PPID: variants seen among roughly 807,000 people sequenced by gnomAD.
The protein encoded by PPID is peptidylprolyl isomerase D.
A neutral mutation model predicts 48.1 loss-of-function variants in PPID; 47 were observed. The ratio of observed to expected loss-of-function variants is 0.98; its 90% CI spans 0.77 to 1.25. The LOEUF is 1.25. Ranked by LOEUF, PPID falls within the 50% of genes most tolerant of loss-of-function variation. PPID has a pLI of 0.00. For synonymous variants in PPID, 163 were observed against 148.8 expected, an observed-to-expected ratio of 1.10 and a Z score of -0.69; for missense variants, 429 against 443.5, an observed-to-expected ratio of 0.97 and a Z score of 0.29.
At chr4:158,723,058 T>C in intron 1 of PPID, 146 bp downstream of exon 1, 1 of 769,264 alleles carries the variant, frequency 1.3e-6, no homozygotes, top group Non-Finnish European at 2.2e-6. Flanking sequence ...TCTCCGGGCC[T>C]GCTCCGGCGG....
chr4:158,716,006 C>G lies in PPID; in HGVS notation c.523-322G>C, dbSNP rs185538589. On this transcript the variant is annotated intron_variant, in intron 4 of 9. Transcript: ENST00000307720. ...CATACACTGAGTGACAGCCTACCTC[C>G]TACAAGTAACTGAGCTTCCAACTCC... 8.5e-5 allele frequency among the ~76,000 whole-genome samples: 13 copies of G among 152,254 alleles called. No homozygotes were observed. In the East Asian group the frequency reaches 1.5e-3, roughly 18 times the overall value.
intron 4 of PPID, among the ~76,000 whole-genome samples, chr4:158,716,375 C>T (rs1774871770): frequency 6.6e-6 from 1 of 152,136 alleles, no homozygotes; most frequent in Admixed American, 6.5e-5. Context: ...GTTAATGCTA[C>T]AATCCAGACA....
At chr4:158,713,324 GTCC>G in intron 6 of PPID, 64 bp from the exon 7 acceptor site, 1 of 1,371,760 alleles carries the variant, frequency 7.3e-7, no homozygotes, top group Non-Finnish European at 9.7e-7. Context: ...TCTTCTCTAT[GTCC>G]AGAAGTGTTA....
chr4:158,723,136 GGA>G, intron 1 of PPID, 66 bp downstream of exon 1: 1 of 1,468,330 alleles, frequency 6.8e-7, no homozygotes, highest in Admixed American at 1.9e-5. Context: ...TTCCGCCCTT[GGA>G]ATCCCCCAAA....
At position 158,713,207 on chromosome 4, in the gene PPID, T is replaced by C. The variant is rs1377023683; in HGVS notation, c.806A>G (p.Gln269Arg). The C allele has an allele frequency of 6.2e-7, 1 of 1,613,872 alleles. No homozygotes were observed. The highest frequency in any genetic ancestry group is 1.7e-5 in the Admixed American group (1 of 59,992). The change falls in exon 7 of 10, where the codon CAA (glutamine) becomes CGA (arginine). Residue 269 changes from glutamine to arginine, a missense_variant. Gln to Arg is a conservative substitution (Grantham distance 43, BLOSUM62 1). Transcript: ENST00000307720. ...VIETADRAKLQPIALSCVLNI... is the reference protein window; with the variant it reads ...VIETADRAKLRPIALSCVLNI... ...CAGTACACAGCTTAAAGCTATAGGT[T>C]GCAGCTTGGCTCTATCTGCTGTCTC...
chr4:158,715,688 T>TA lies in PPID; in HGVS notation c.523-5dup. On this transcript the variant is annotated splice_polypyrimidine_tract_variant and splice_region_variant and intron_variant, in intron 4 of 9. Coordinates refer to ENST00000307720, the MANE Select transcript of PPID (RefSeq NM_005038.3). ...CACATTCTGCAATAACGCACAACTG[T>TA]AAAAATAACCCTAAATTGTAGAAGT... The TA allele has an allele frequency of 1.2e-6, 2 of 1,606,282 alleles. No individual in the cohort carries two copies. Among genetic ancestry groups the TA allele is most frequent in the South Asian group, 1.1e-5 (1 of 90,926 alleles).
Position 158,715,335 on chromosome 4 carries a change from G to A in PPID, c.714C>T (p.Asn238=), listed in dbSNP as rs17843932. 42,043 of 1,533,802 alleles carry A rather than the reference G, an allele frequency of 0.027. 1,095 individuals are homozygous for A. The highest frequency in any genetic ancestry group is 0.097 in the South Asian group (7,480 of 76,724). ...CATATTTTTTAATAGCCATCTCCCAGTTCTGGGATTTGAAAAAAGTATTTC... is the reference window on the plus strand; with the variant it reads ...CATATTTTTTAATAGCCATCTCCCAATTCTGGGATTTGAAAAAAGTATTTC... ...NIGNTFFKSQ[N]WEMAIKKYAE... The change falls in exon 6 of 10, where the codon AAC becomes AAT. Residue 238 remains asparagine, a synonymous_variant. Transcript: ENST00000307720.
intron 1 of PPID, 89 bp downstream of exon 1, chr4:158,723,115 C>A (rs1032678577): frequency 1.5e-6 from 2 of 1,327,244 alleles, no homozygotes; most frequent in African/African-American, 2.9e-5. Flanking sequence ...CAGTCACCGG[C>A]CGGAGCCGCA....
chr4:158,713,084 A>G, intron 7 of PPID, 35 bp downstream of exon 7: 1 of 1,608,136 alleles, frequency 6.2e-7, no homozygotes, highest in Non-Finnish European at 8.5e-7. Flanking sequence ...TCTTAATCCA[A>G]CTTATTCAAA....
In PPID at chr4:158,717,145, G is replaced by C. The variant is rs764285658; in HGVS notation, c.389C>G (p.Ser130Cys). 3.1e-6 allele frequency: 5 copies of C among 1,614,122 alleles called. No homozygotes were observed. Among genetic ancestry groups the C allele is most frequent in the Non-Finnish European group, 4.2e-6 (5 of 1,180,012 alleles). Residue 130 changes from serine to cysteine, a missense_variant, in exon 4 of 10, where the codon TCT becomes TGT. By Grantham distance (112) the Ser-to-Cys change is moderately radical. Coordinates refer to ENST00000307720, the MANE Select transcript of PPID (RefSeq NM_005038.3). Reference protein sequence around the residue: ...MANAGRNTNGSQFFITTVPTP... With the variant: ...MANAGRNTNGCQFFITTVPTP... ...TGGAACTGTTGTGATAAAAAACTGA[G>C]AACCGTTTGTGTTGCGGCCTGCATT...
chr4:158,718,255 G>T (rs543847388), intron 3 of PPID, among the ~76,000 whole-genome samples: 1 of 152,220 alleles, frequency 6.6e-6, no homozygotes, highest in Admixed American at 6.5e-5. Context: ...CAATACTACA[G>T]TTCCTGCCTA....
In PPID at chr4:158,721,472, C is replaced by G; in HGVS notation, c.97G>C (p.Val33Leu). 6.2e-7 allele frequency: 1 copy of G among 1,613,320 alleles called. No homozygotes were observed. The highest frequency in any genetic ancestry group is 8.5e-7 in the Non-Finnish European group (1 of 1,179,788). ...ACGATATCTGCAAACAATTCTAAGACAATTCGACCAACTAAAAGAAAAGAA... is the reference window on the plus strand; with the variant it reads ...ACGATATCTGCAAACAATTCTAAGAGAATTCGACCAACTAAAAGAAAAGAA... The part of the protein sequence containing the change: ...DIGGERVGRI[V>L]LELFADIVPK... The change falls in exon 2 of 10, where the codon GTC becomes CTC. Residue 33 changes from valine (V) to leucine (L), a missense_variant. Coordinates refer to ENST00000307720, the MANE Select transcript of PPID (RefSeq NM_005038.3).
At chr4:158,716,917 C>T in intron 4 of PPID, 95 bp downstream of exon 4, 2 of 1,269,472 alleles carry the variant, frequency 1.6e-6, no homozygotes, top group Non-Finnish European at 2.2e-6. Context: ...GCCGAGACCG[C>T]ACCACTGCAC....
chr4:158,713,144 T>C lies in PPID; in HGVS notation c.869A>G (p.Gln290Arg). The C allele has an allele frequency of 6.2e-7, 1 of 1,614,086 alleles. No homozygotes were observed. Among genetic ancestry groups the C allele is most frequent in the South Asian group, 1.1e-5 (1 of 91,086 alleles). The change falls in exon 7 of 10, where the codon CAG (glutamine) becomes CGG (arginine). Residue 290 changes from glutamine (Q) to arginine (R), a missense_variant. Coordinates refer to ENST00000307720, the MANE Select transcript of PPID (RefSeq NM_005038.3). ...GACKLKMSNW[Q>R]GAIDSCLEAL... ...CTCTAAACAACTGTCAATTGCTCCC[T>C]GCCAATTTGACATCTTCAGTTTACA...
intron 4 of PPID, 38 bp from the exon 5 acceptor site, chr4:158,715,722 GTAA>G: frequency 1.3e-6 from 2 of 1,581,470 alleles, no homozygotes; most frequent in Non-Finnish European, 1.7e-6. Flanking sequence ...GTGCACTATC[GTAA>G]TAATGAGAGA....
In PPID at chr4:158,713,257, G is replaced by C. The variant is rs199788740; in HGVS notation, c.756C>G (p.Tyr252Ter). Residue 252 changes from tyrosine (Y) to a stop codon, truncating the protein, a stop_gained, in exon 7 of 10, where the codon TAC (tyrosine) becomes TAG (stop). Coordinates refer to ENST00000307720, the MANE Select transcript of PPID (RefSeq NM_005038.3). LOFTEE classifies it high-confidence loss of function. The part of the protein sequence containing the change: ...AIKKYAEVLR[Y>*]VDSSKAVIET... ...CAATAACAGCCTTTGAACTGTCCAC[G>C]TATCTGCAGAATGCATTAATAAAAG... The C allele has an allele frequency of 5.6e-6, 9 of 1,604,458 alleles. No homozygotes were observed. The African/African-American group carries it at 9.4e-5, about 17-fold the overall frequency.
In PPID at chr4:158,716,864, G is replaced by T. The variant is rs965417940; in HGVS notation, c.522+148C>A. 4.0e-6 allele frequency: 3 copies of T among 755,636 alleles called. No homozygotes were observed. The Admixed American group carries it at 8.6e-5, about 22-fold the overall frequency. 46.8% of individuals were successfully genotyped at this position (755,636 alleles called of 1,614,324 possible). A position where few individuals can be genotyped will look rare whatever the true frequency, so the allele number is the denominator to read the frequency against. Reference sequence around the variant, plus strand: ...TAATCCCTGCTACTCAGAAGGCTGAGGCAGGAGAATAGCTTGAACCTGGGA... The same window carrying T: ...TAATCCCTGCTACTCAGAAGGCTGATGCAGGAGAATAGCTTGAACCTGGGA... On this transcript the variant is annotated intron_variant, in intron 4 of 9. Transcript: ENST00000307720.
In PPID at chr4:158,723,339, C is replaced by T; in HGVS notation, c.-51G>A. On this transcript the variant is annotated 5_prime_UTR_variant, in exon 1 of 10. Coordinates refer to ENST00000307720, the MANE Select transcript of PPID (RefSeq NM_005038.3). Reference sequence around the variant, plus strand: ...GGAATATCAGAGTACCTAGTGGCCGCCCGGGCCGCCCAAACTCCAGAGTCC... The same window carrying T: ...GGAATATCAGAGTACCTAGTGGCCGTCCGGGCCGCCCAAACTCCAGAGTCC... The T allele has an allele frequency of 1.3e-6, 2 of 1,552,238 alleles. No individual in the cohort carries two copies. The highest frequency in any genetic ancestry group is 1.1e-5 in the South Asian group (1 of 89,172).
chr4:158,721,515 A>G (rs1004456596), intron 1 of PPID, 32 bp from the exon 2 acceptor site: 3 of 1,602,802 alleles, frequency 1.9e-6, no homozygotes, highest in Admixed American at 3.4e-5. Flanking sequence ...TCAGTATGCA[A>G]AACAACCAAA....
Sources: gnomAD v4.1 joint callset for allele counts (sites outside exome capture counted in the v4.1 genomes callset) on GRCh38, gnomAD v4.1.1 for gene constraint, MANE v1.5 for transcripts, NCBI Gene and HGNC (gene_info 2026-07-23, HGNC 2026-07-21) for gene names.